The following GALNT16 variants were observed in gnomAD, a reference collection of about 807,000 sequenced individuals.
GALNT16 encodes the protein UDP-GalNAc:polypeptide N-acetylgalactosaminyltransferase-like protein 1.
GALNT16 carries 40 observed loss-of-function variants against 76.1 expected under a neutral mutation model. The observed-to-expected ratio is 0.53, with a 90% confidence interval of 0.41 to 0.68. GALNT16 has a LOEUF of 0.68. GALNT16 is among the 30% of genes least tolerant of loss of function. The pLI is 0.00. For synonymous variants in GALNT16, 276 were observed against 285.2 expected, an observed-to-expected ratio of 0.97 and a Z score of 0.32; for missense variants, 621 against 731.9, an observed-to-expected ratio of 0.85 and a Z score of 1.75.
chr14:69,352,352 C>G lies in GALNT16; in HGVS notation c.*184C>G, dbSNP rs1402024872. On this transcript the variant is annotated 3_prime_UTR_variant, in exon 15 of 15. Coordinates refer to ENST00000448469, the MANE Select transcript of GALNT16 (RefSeq NM_001168368.2). Reference sequence around the variant, plus strand: ...TAGGAGGGCGCAGGCGGGCACGCCCCGATGCCCTCAGTGCTGTCCTGGCCT... The same window carrying G: ...TAGGAGGGCGCAGGCGGGCACGCCCGGATGCCCTCAGTGCTGTCCTGGCCT... 7 of 612,282 alleles carry G rather than the reference C, an allele frequency of 1.1e-5. No individual in the cohort carries two copies. Among genetic ancestry groups the G allele is most frequent in the Non-Finnish European group, 1.7e-5 (6 of 353,822 alleles). The allele number at this position is 612,282 out of a possible 1,614,324, so 37.9% of individuals were successfully genotyped here.
chr14:69,301,123 G>A (rs1201299483), intron 1 of GALNT16, among the ~76,000 whole-genome samples: 1 of 152,132 alleles, frequency 6.6e-6, no homozygotes, highest in East Asian at 1.9e-4. Flanking sequence ...AGTGCCAAAG[G>A]CTTGGGATTG....
At chr14:69,301,710 C>T (rs557301547) in intron 1 of GALNT16, among the ~76,000 whole-genome samples, 10 of 151,436 alleles carry the variant, frequency 6.6e-5, no homozygotes, top group African/African-American at 9.7e-5. Context: ...AGGGAAGGGC[C>T]GGGCGTGGTG....
intron 1 of GALNT16, among the ~76,000 whole-genome samples, chr14:69,311,303 A>G (rs1336879777): frequency 6.6e-6 from 1 of 152,016 alleles, no homozygotes; most frequent in Non-Finnish European, 1.5e-5. Flanking sequence ...AAAGGTGTGA[A>G]CTCTCTCTGA....
rs78123951 is a variant in GALNT16, at chr14:69,298,008, A to G, written c.178-22703A>G. 7.5e-3 allele frequency among the ~76,000 whole-genome samples: 1,144 copies of G among 152,342 alleles called. 14 individuals are homozygous for G. The highest frequency in any genetic ancestry group is 0.026 in the African/African-American group (1,099 of 41,572). On this transcript the variant is annotated intron_variant, in intron 1 of 14. Transcript: ENST00000448469. ...AACTGAGGCTCAGAGAGGTTAAGTA[A>G]TTTGCCTCATGTTAAACAGGTAGCA...
At chr14:69,371,287 T>C in the GALNT16 span, among the ~76,000 whole-genome samples, 1 of 152,070 alleles carries the variant, frequency 6.6e-6, no homozygotes, top group Admixed American at 6.5e-5. Flanking sequence ...GGAGTCTCAC[T>C]CTGTCGCCAG....
the GALNT16 span, among the ~76,000 whole-genome samples, chr14:69,369,236 T>C: frequency 1.3e-5 from 2 of 152,318 alleles, no homozygotes; most frequent in East Asian, 1.9e-4. Flanking sequence ...GGAGGGATCA[T>C]GGCAGACGGT....
At chr14:69,303,783 G>A (rs886302168) in intron 1 of GALNT16, among the ~76,000 whole-genome samples, 1 of 152,016 alleles carries the variant, frequency 6.6e-6, no homozygotes, top group African/African-American at 2.4e-5. Flanking sequence ...TATTGTGCAA[G>A]CATTTTTCTG....
intron 14 of GALNT16, chr14:69,348,331 G>A: frequency 1.9e-6 from 1 of 518,808 alleles, no homozygotes; most frequent in South Asian, 3.1e-5. Context: ...GACAGTCTGT[G>A]CTAGAAGTTT....
chr14:69,375,418 AT>A, the GALNT16 span, among the ~76,000 whole-genome samples: 337 of 152,000 alleles, frequency 2.2e-3, 1 homozygote, highest in Middle Eastern at 3.4e-3. Context: ...CTGGGTCTAA[AT>A]TTACCATATT....
chr14:69,268,376 A>G (rs541216221), intron 1 of GALNT16, among the ~76,000 whole-genome samples: 2 of 152,314 alleles, frequency 1.3e-5, no homozygotes, highest in Admixed American at 6.5e-5. Context: ...GGCAACTTTC[A>G]GTTTTCCTAG....
chr14:69,348,041 C>T lies in GALNT16; in HGVS notation c.1539+39C>T, dbSNP rs780011690. The T allele has an allele frequency of 1.9e-5, 31 of 1,609,648 alleles. 1 individual carries two copies. Among genetic ancestry groups the T allele is most frequent in the South Asian group, 7.7e-5 (7 of 91,004 alleles). The stretch of plus-strand genomic sequence containing the variant: ...CCTCTGGCCCAGAGGCCCAGCAGCC[C>T]GAGGGGCCATGCCTCAGGGTGGCAG... On this transcript the variant is annotated intron_variant, in intron 14 of 14. Transcript: ENST00000448469.
chr14:69,352,176 C>T lies in GALNT16; in HGVS notation c.*8C>T. 1 of 1,600,186 alleles carries T rather than the reference C, an allele frequency of 6.2e-7. No individual in the cohort carries two copies. Among genetic ancestry groups the T allele is most frequent in the Non-Finnish European group, 8.5e-7 (1 of 1,172,356 alleles). On this transcript the variant is annotated 3_prime_UTR_variant, in exon 15 of 15. Coordinates refer to ENST00000448469, the MANE Select transcript of GALNT16 (RefSeq NM_001168368.2). ...CTGTTGCCACACACATGACGGTAGC[C>T]CTGGGGCCTCCTGTACCTTTTGCAT...
chr14:69,352,999 T>C lies in GALNT16; in HGVS notation c.*831T>C, dbSNP rs921561864. Among the ~76,000 whole-genome samples the C allele has an allele frequency of 9.2e-5, 14 of 152,050 alleles. No homozygotes were observed. Among genetic ancestry groups the C allele is most frequent in the Non-Finnish European group, 2.1e-4 (14 of 68,016 alleles). On this transcript the variant is annotated 3_prime_UTR_variant, in exon 15 of 15. Coordinates refer to ENST00000448469, the MANE Select transcript of GALNT16 (RefSeq NM_001168368.2). ...TTTATTAAACAGACTCCACTTCTAT[T>C]TGGCCATGTGTCAGGCTGAGACCTC...
intron 1 of GALNT16, among the ~76,000 whole-genome samples, chr14:69,283,489 C>T (rs1478703512): frequency 1.3e-5 from 2 of 152,172 alleles, no homozygotes; most frequent in East Asian, 3.8e-4. Context: ...TGGCCTCTTA[C>T]GAGTCCTGAC....
chr14:69,270,100 A>G (rs2044388982), intron 1 of GALNT16, among the ~76,000 whole-genome samples: 1 of 152,024 alleles, frequency 6.6e-6, no homozygotes, highest in Admixed American at 6.6e-5. Context: ...CTGGCAATGC[A>G]GGAACTTGGA....
the GALNT16 span, among the ~76,000 whole-genome samples, chr14:69,371,941 C>T: frequency 1.3e-5 from 2 of 150,664 alleles, no homozygotes; most frequent in African/African-American, 4.9e-5. Context: ...AAGACTGTCT[C>T]AAAAAAAATA....
the GALNT16 span, among the ~76,000 whole-genome samples, chr14:69,372,209 C>G: frequency 3.1e-3 from 476 of 152,052 alleles, 4 homozygotes; most frequent in African/African-American, 0.011. Context: ...GGTTGGAGTG[C>G]CTATCAAAGC....
chr14:69,377,835 A>AT, the GALNT16 span, among the ~76,000 whole-genome samples: 4 of 125,250 alleles, frequency 3.2e-5, no homozygotes, highest in African/African-American at 1.3e-4. Context: ...AAAAAAAAAA[A>AT]GAACATGAAC....
chr14:69,319,939 G>C (rs1003543536), intron 1 of GALNT16, among the ~76,000 whole-genome samples: 1 of 152,182 alleles, frequency 6.6e-6, no homozygotes, highest in South Asian at 2.1e-4. Flanking sequence ...TTTACTGATC[G>C]GGTGCCTCAT....
Sources: allele counts gnomAD v4.1 joint callset (sites outside exome capture counted in the v4.1 genomes callset), GRCh38; gene constraint gnomAD v4.1.1; transcripts MANE v1.5; gene names NCBI Gene and HGNC (gene_info 2026-07-23, HGNC 2026-07-21).